The following CTNNA2 variants were observed in gnomAD, a reference collection of about 807,000 sequenced individuals.
CTNNA2 encodes the protein catenin alpha 2.
Under a neutral mutation model 101.0 loss-of-function variants are expected in CTNNA2, and 42 were observed. The observed-to-expected ratio is 0.42, with a 90% CI of 0.32 to 0.54. The LOEUF (loss-of-function observed/expected upper bound fraction) is 0.54, where lower values mean the gene tolerates loss of function less well. Ranked by LOEUF, CTNNA2 falls within the 20% of genes least tolerant of loss-of-function variation. The pLI, the probability that CTNNA2 is intolerant of heterozygous loss-of-function variation, is 0.14. For synonymous variants in CTNNA2, 450 were observed against 456.4 expected (o/e 0.99, Z 0.18); for missense variants, 871 against 1,223.1 (o/e 0.71, Z 4.29).
chr2:80,241,653 A>C (rs1210403227), intron 7 of CTNNA2, among the ~76,000 whole-genome samples: 2 of 151,788 alleles, frequency 1.3e-5, no homozygotes, highest in Non-Finnish European at 2.9e-5. Context: ...AGGCCTATAC[A>C]TAATTTCTAT....
At chr2:80,369,817 G>A (rs903890736) in intron 7 of CTNNA2, among the ~76,000 whole-genome samples, 1 of 152,104 alleles carries the variant, frequency 6.6e-6, no homozygotes, top group Non-Finnish European at 1.5e-5. Flanking sequence ...GATGAAGAGA[G>A]GAATGAGCCA....
chr2:80,405,655 A>C (rs1678985877), intron 8 of CTNNA2, among the ~76,000 whole-genome samples: 1 of 152,136 alleles, frequency 6.6e-6, no homozygotes, highest in African/African-American at 2.4e-5. Context: ...AAGGGAAAAA[A>C]CTTAAGGACT....
intron 4 of CTNNA2, among the ~76,000 whole-genome samples, chr2:79,398,764 C>A (rs184200301): frequency 0.011 from 1,668 of 150,840 alleles, 12 homozygotes; most frequent in Non-Finnish European, 0.017. Context: ...CCCAAAAAAA[C>A]CTCAAAAAAA....
chr2:80,241,811 G>A (rs1416273811), intron 7 of CTNNA2, among the ~76,000 whole-genome samples: 2 of 152,138 alleles, frequency 1.3e-5, no homozygotes, highest in African/African-American at 4.8e-5. Context: ...GTAGATTAAT[G>A]CCAGATATTC....
At chr2:80,380,020 G>A (rs1194019600) in intron 7 of CTNNA2, among the ~76,000 whole-genome samples, 2 of 147,136 alleles carry the variant, frequency 1.4e-5, no homozygotes, top group Non-Finnish European at 3.0e-5. Flanking sequence ...TGCACTGTTC[G>A]AGATGTACTT....
At chr2:80,181,335 G>A (rs72815708) in intron 7 of CTNNA2, among the ~76,000 whole-genome samples, 3,698 of 152,250 alleles carry the variant, frequency 0.024, 75 homozygotes, top group Non-Finnish European at 0.038. Flanking sequence ...GGGTGGGAAG[G>A]CTGTTTCCTC....
At chr2:80,358,413 C>T (rs531184818) in intron 7 of CTNNA2, among the ~76,000 whole-genome samples, 1 of 144,082 alleles carries the variant, frequency 6.9e-6, no homozygotes, top group East Asian at 2.1e-4. Flanking sequence ...TGCAATGGCG[C>T]AATCTTGGCT....
At position 79,682,082 on chromosome 2, in the gene CTNNA2, G is replaced by A. The variant is rs757326041; in HGVS notation, c.102+30424G>A. ...ATGAAACAATCTTTAAAACTTTTTAGGCTGAATATTTATACCTAAGAATTT... is the reference window on the plus strand; with the variant it reads ...ATGAAACAATCTTTAAAACTTTTTAAGCTGAATATTTATACCTAAGAATTT... On this transcript the variant is annotated intron_variant, in intron 2 of 18. Coordinates refer to ENST00000402739, the MANE Select transcript of CTNNA2 (RefSeq NM_001282597.3). Among the ~76,000 whole-genome samples the A allele has an allele frequency of 1.4e-3, 206 of 151,922 alleles. 1 individual carries two copies. Among genetic ancestry groups the A allele is most frequent in the Non-Finnish European group, 1.5e-3 (99 of 67,830 alleles).
At chr2:80,124,648 C>G (rs1344075915) in intron 7 of CTNNA2, among the ~76,000 whole-genome samples, 2 of 152,062 alleles carry the variant, frequency 1.3e-5, no homozygotes, top group African/African-American at 4.8e-5. Flanking sequence ...TCTTGAGAAC[C>G]AAATTCTGTT....
chr2:79,232,028 T>C (rs1230785252), intron 2 of CTNNA2, among the ~76,000 whole-genome samples: 1 of 152,188 alleles, frequency 6.6e-6, no homozygotes, highest in Non-Finnish European at 1.5e-5. Flanking sequence ...CTTGTTATTC[T>C]CCTAGTTGGA....
At position 79,437,856 on chromosome 2, in the gene CTNNA2, C is replaced by T. The variant is rs999426517; in HGVS notation, c.-135+63843C>T. 3.9e-5 allele frequency among the ~76,000 whole-genome samples: 6 copies of T among 152,144 alleles called. No individual in the cohort carries two copies. The East Asian group carries it at 7.7e-4, about 20-fold the overall frequency. On this transcript the variant is annotated intron_variant, in intron 4 of 21. Transcript: ENST00000466387. Reference sequence around the variant, plus strand: ...TGCTCTTTGTTCCAGCGCTGAACCACGCAAGCTCCATAAAATGAGGGGGTG... The same window carrying T: ...TGCTCTTTGTTCCAGCGCTGAACCATGCAAGCTCCATAAAATGAGGGGGTG...
In CTNNA2 at chr2:79,732,888, GAAAACAA is replaced by G. The variant is rs561559280; in HGVS notation, c.103-11475_103-11469del. Among the ~76,000 whole-genome samples, 311 of 151,970 alleles carry G rather than the reference GAAAACAA, an allele frequency of 2.0e-3. 1 individual carries two copies. Among genetic ancestry groups the G allele is most frequent in the Admixed American group, 3.5e-3 (54 of 15,240 alleles). ...TGGCTTCCATGTTTGCCAGTTGGGA[GAAAACAA>G]AAAACAAAAAACAAAAAACAAAATG... is the stretch of plus-strand genomic sequence containing the variant. On this transcript the variant is annotated intron_variant, in intron 2 of 18. Transcript: ENST00000402739.
chr2:79,941,164 C>T (rs1688134967), intron 7 of CTNNA2, among the ~76,000 whole-genome samples: 1 of 152,208 alleles, frequency 6.6e-6, no homozygotes, highest in African/African-American at 2.4e-5. Flanking sequence ...TCTTTTGCAC[C>T]ATTATTGAAA....
chr2:80,467,807 G>T (rs1195519514), intron 9 of CTNNA2, among the ~76,000 whole-genome samples: 1 of 152,114 alleles, frequency 6.6e-6, no homozygotes, highest in Non-Finnish European at 1.5e-5. Context: ...GAGGGAGCTT[G>T]TTTGCCCCTT....
At chr2:79,541,815 C>G (rs563648834) in intron 1 of CTNNA2, among the ~76,000 whole-genome samples, 3 of 151,858 alleles carry the variant, frequency 2.0e-5, no homozygotes, top group Non-Finnish European at 4.4e-5. Context: ...GTAGTAGAGA[C>G]GGGGTTTCAC....
At chr2:79,906,928 T>A (rs1251262630) in intron 6 of CTNNA2, among the ~76,000 whole-genome samples, 1 of 152,200 alleles carries the variant, frequency 6.6e-6, no homozygotes, top group Non-Finnish European at 1.5e-5. Flanking sequence ...ATCAAAACAT[T>A]ATATCTCTAA....
chr2:80,054,511 G>C (rs1183888543), intron 7 of CTNNA2, among the ~76,000 whole-genome samples: 1 of 152,192 alleles, frequency 6.6e-6, no homozygotes, highest in African/African-American at 2.4e-5. Flanking sequence ...AGGATGGCAA[G>C]GTTAATTGCA....
rs143478291 is a variant in CTNNA2, at chr2:80,117,289, A to T, written c.1056+207492A>T. Among the ~76,000 whole-genome samples, 1,152 of 152,306 alleles carry T rather than the reference A, an allele frequency of 7.6e-3. 13 individuals carry two copies. Among genetic ancestry groups the T allele is most frequent in the African/African-American group, 0.027 (1,110 of 41,556 alleles). On this transcript the variant is annotated intron_variant, in intron 7 of 18. Coordinates refer to ENST00000402739, the MANE Select transcript of CTNNA2 (RefSeq NM_001282597.3). ...TTCTTTACTCTAATGGAGGATTTCCATAAAAATCTTTTTATTTGACCTCAA... is the reference window on the plus strand; with the variant it reads ...TTCTTTACTCTAATGGAGGATTTCCTTAAAAATCTTTTTATTTGACCTCAA...
chr2:79,209,970 G>A (rs555180000), intron 2 of CTNNA2, among the ~76,000 whole-genome samples: 4 of 151,890 alleles, frequency 2.6e-5, no homozygotes, highest in Non-Finnish European at 5.9e-5. Context: ...GTGTGTGTTG[G>A]GGGGGCGGGG....
Sources: gnomAD v4.1 joint callset for allele counts (sites outside exome capture counted in the v4.1 genomes callset) on GRCh38, gnomAD v4.1.1 for gene constraint, MANE v1.5 for transcripts, NCBI Gene and HGNC (gene_info 2026-07-23, HGNC 2026-07-21) for gene names.